ARL8B: variants seen among roughly 807,000 people sequenced by gnomAD.
The protein encoded by ARL8B is ADP-ribosylation factor-like protein 8B.
ARL8B carries 9 observed loss-of-function variants against 30.6 expected under a neutral mutation model. The ratio of observed to expected loss-of-function variants is 0.29; its 90% CI spans 0.18 to 0.51. ARL8B has a LOEUF of 0.51. ARL8B is among the 20% of genes least tolerant of loss of function. The probability of loss-of-function intolerance (pLI) is 0.97; values close to 1 mark genes in which losing one functional copy is unlikely to be tolerated. For missense variants in ARL8B, 130 were observed against 227.2 expected, an observed-to-expected ratio of 0.57 and a Z score of 2.75; for synonymous variants, 74 against 76.0, an observed-to-expected ratio of 0.97 and a Z score of 0.14.
In ARL8B at chr3:5,135,440, T is replaced by C. The variant is rs1221043522; in HGVS notation, c.123+12852T>C. 3.3e-5 allele frequency among the ~76,000 whole-genome samples: 5 copies of C among 151,836 alleles called. No individual in the cohort carries two copies. In the South Asian group the frequency reaches 1.0e-3, roughly 32 times the overall value. ...GATTGCAGGTGTGAGCCATTGTTCC[T>C]GGCTCACTTAATTATTACTATTATT... On this transcript the variant is annotated intron_variant, in intron 1 of 6. Coordinates refer to ENST00000256496, the MANE Select transcript of ARL8B (RefSeq NM_018184.3).
intron 1 of ARL8B, among the ~76,000 whole-genome samples, chr3:5,162,057 T>G (rs1397919324): frequency 6.6e-6 from 1 of 152,214 alleles, no homozygotes; most frequent in Non-Finnish European, 1.5e-5. Context: ...TGCTATAGAT[T>G]CGTTATCTGT....
chr3:5,128,630 A>G (rs1363980751), intron 1 of ARL8B: 1 of 222,618 alleles, frequency 4.5e-6, no homozygotes, highest in African/African-American at 2.4e-5. Context: ...CATTGAACCT[A>G]TAAAAAAGTT....
intron 1 of ARL8B, among the ~76,000 whole-genome samples, chr3:5,145,990 C>G (rs976480780): frequency 1.3e-5 from 2 of 152,210 alleles, no homozygotes; most frequent in Non-Finnish European, 2.9e-5. Context: ...TACCTTGGCT[C>G]TCCTCTCCCC....
intron 1 of ARL8B, among the ~76,000 whole-genome samples, chr3:5,125,213 G>A (rs965598321): frequency 6.6e-6 from 1 of 152,198 alleles, no homozygotes; most frequent in African/African-American, 2.4e-5. Flanking sequence ...CATGAAAGAT[G>A]TTAAGTGGCT....
At chr3:5,143,799 A>G (rs2054396743) in intron 1 of ARL8B, among the ~76,000 whole-genome samples, 1 of 152,170 alleles carries the variant, frequency 6.6e-6, no homozygotes, top group African/African-American at 2.4e-5. Flanking sequence ...GGTAGAGGAT[A>G]TGGCCAGTAT....
chr3:5,135,889 C>T (rs1249788081), intron 1 of ARL8B, among the ~76,000 whole-genome samples: 8 of 150,468 alleles, frequency 5.3e-5, no homozygotes, highest in South Asian at 4.2e-4. Context: ...CAGGTTCACG[C>T]GATTCTCCTG....
intron 1 of ARL8B, among the ~76,000 whole-genome samples, chr3:5,127,872 CAAAAAAAAA>C (rs748657502): frequency 3.8e-4 from 4 of 10,594 alleles, no homozygotes; most frequent in South Asian, 5.4e-3. Context: ...GACTCCGTCT[CAAAAAAAAA>C]AAAAAAAAAA....
At chr3:5,152,113 T>C (rs2054490058) in intron 1 of ARL8B, among the ~76,000 whole-genome samples, 3 of 152,242 alleles carry the variant, frequency 2.0e-5, no homozygotes, top group Non-Finnish European at 4.4e-5. Context: ...AACTGTGAGG[T>C]AGATCCAGTT....
At chr3:5,165,898 T>C (rs530899698) in intron 1 of ARL8B, among the ~76,000 whole-genome samples, 22 of 152,288 alleles carry the variant, frequency 1.4e-4, no homozygotes, top group African/African-American at 5.1e-4. Flanking sequence ...CTAGAACATA[T>C]GAAGAGGATT....
At chr3:5,123,040 A>G (rs535633973) in intron 1 of ARL8B, among the ~76,000 whole-genome samples, 46 of 152,280 alleles carry the variant, frequency 3.0e-4, no homozygotes, top group Admixed American at 6.5e-4. Flanking sequence ...TTAAGTTGCC[A>G]CTTTGGACCA....
intron 1 of ARL8B, among the ~76,000 whole-genome samples, chr3:5,138,339 C>G (rs558645675): frequency 6.6e-6 from 1 of 152,192 alleles, no homozygotes; most frequent in South Asian, 2.1e-4. Context: ...CATTTGCCAA[C>G]AAATAACTGC....
At chr3:5,130,766 C>T (rs1575558618) in intron 1 of ARL8B, among the ~76,000 whole-genome samples, 4 of 152,040 alleles carry the variant, frequency 2.6e-5, no homozygotes, top group African/African-American at 4.8e-5. Flanking sequence ...GAACTTCTGA[C>T]GTCAAGTGAT....
chr3:5,160,587 C>T (rs936894903), intron 1 of ARL8B, among the ~76,000 whole-genome samples: 1 of 152,086 alleles, frequency 6.6e-6, no homozygotes, highest in African/African-American at 2.4e-5. Context: ...TATTAACAGG[C>T]AGTAGAGTTA....
intron 1 of ARL8B, among the ~76,000 whole-genome samples, chr3:5,155,275 GCTA>G (rs1479031738): frequency 1.3e-5 from 2 of 152,170 alleles, no homozygotes; most frequent in Non-Finnish European, 2.9e-5. Context: ...TAAATCTGCT[GCTA>G]CTATTGATTA....
intron 6 of ARL8B, among the ~76,000 whole-genome samples, chr3:5,177,290 T>G (rs1332633286): frequency 6.6e-6 from 1 of 152,212 alleles, no homozygotes; most frequent in Non-Finnish European, 1.5e-5. Context: ...TCTGATCCAG[T>G]CTAATAAGAT....
chr3:5,160,742 A>G (rs1230903477), intron 1 of ARL8B, among the ~76,000 whole-genome samples: 1 of 152,186 alleles, frequency 6.6e-6, no homozygotes, highest in East Asian at 1.9e-4. Context: ...TTAATTTTCT[A>G]GAGAATTTTT....
At chr3:5,166,832 C>T (rs991667432) in intron 1 of ARL8B, among the ~76,000 whole-genome samples, 2 of 152,296 alleles carry the variant, frequency 1.3e-5, no homozygotes, top group East Asian at 1.9e-4. Context: ...ATAGAACTTT[C>T]TAGGACAAGG....
chr3:5,148,960 T>A (rs1324153107), intron 1 of ARL8B, among the ~76,000 whole-genome samples: 3 of 152,216 alleles, frequency 2.0e-5, no homozygotes, highest in Non-Finnish European at 4.4e-5. Flanking sequence ...TCAGCCTCTA[T>A]GTCTGAGCTT....
At chr3:5,167,565 T>A (rs1056713787) in intron 1 of ARL8B, among the ~76,000 whole-genome samples, 3 of 152,170 alleles carry the variant, frequency 2.0e-5, no homozygotes, top group Non-Finnish European at 2.9e-5. Context: ...CCCCCCCAAG[T>A]CAGATTAACT....
Sources: gnomAD v4.1 joint callset for allele counts (sites outside exome capture counted in the v4.1 genomes callset) on GRCh38, gnomAD v4.1.1 for gene constraint, MANE v1.5 for transcripts, NCBI Gene and HGNC (gene_info 2026-07-23, HGNC 2026-07-21) for gene names.